The following BCAS4 variants were observed in gnomAD, a reference collection of about 807,000 sequenced individuals.
BCAS4 encodes the protein breast carcinoma-amplified sequence 4.
BCAS4 carries 9 observed loss-of-function variants against 15.7 expected under a neutral mutation model. The observed-to-expected ratio is 0.57, with a 90% CI of 0.34 to 1.00. The LOEUF is 1.00. Ranked by LOEUF, BCAS4 falls within the 50% of genes least tolerant of loss-of-function variation. BCAS4 has a pLI of 0.02. For synonymous variants in BCAS4, 101 were observed against 99.5 expected (o/e 1.02, Z -0.09); for missense variants, 225 against 239.1 (o/e 0.94, Z 0.39).
At chr20:50,831,419 G>GA (rs966170450) in intron 3 of BCAS4, among the ~76,000 whole-genome samples, 12 of 150,614 alleles carry the variant, frequency 8.0e-5, no homozygotes, top group South Asian at 6.3e-4. Flanking sequence ...TCTCAAAAAA[G>GA]AAAAAAAAAT....
chr20:50,811,079 C>T (rs138022063), intron 1 of BCAS4, among the ~76,000 whole-genome samples: 146 of 152,166 alleles, frequency 9.6e-4, no homozygotes, highest in African/African-American at 2.8e-3. Flanking sequence ...AAAGGCCCTG[C>T]GGTGAGGCTG....
chr20:50,837,969 T>TAC (rs199864782), intron 3 of BCAS4, among the ~76,000 whole-genome samples: 29 of 139,406 alleles, frequency 2.1e-4, no homozygotes, highest in Admixed American at 1.2e-3. Context: ...CACCCACCTC[T>TAC]ACACACACAC....
At chr20:50,821,378 G>T (rs1173651923) in intron 2 of BCAS4, among the ~76,000 whole-genome samples, 4 of 152,252 alleles carry the variant, frequency 2.6e-5, no homozygotes, top group Admixed American at 1.3e-4. Context: ...TACAGCCCCT[G>T]CATGGGCACG....
chr20:50,808,235 T>G (rs559229634), intron 1 of BCAS4, among the ~76,000 whole-genome samples: 1 of 152,342 alleles, frequency 6.6e-6, no homozygotes, highest in African/African-American at 2.4e-5. Context: ...TTTATCCACT[T>G]GTTGATTGAT....
At chr20:50,795,663 C>A (rs1365952307) in intron 1 of BCAS4, among the ~76,000 whole-genome samples, 1 of 152,258 alleles carries the variant, frequency 6.6e-6, no homozygotes, top group Non-Finnish European at 1.5e-5. Context: ...CCTCTACCTT[C>A]CGGCTGGAGG....
intron 2 of BCAS4, among the ~76,000 whole-genome samples, chr20:50,826,370 G>C (rs1280325226): frequency 6.6e-6 from 1 of 152,184 alleles, no homozygotes; most frequent in African/African-American, 2.4e-5. Flanking sequence ...GGAGGGAGCA[G>C]TCCCAGCCTT....
At chr20:50,822,003 A>G (rs2088221963) in intron 2 of BCAS4, among the ~76,000 whole-genome samples, 2 of 152,178 alleles carry the variant, frequency 1.3e-5, no homozygotes, top group African/African-American at 4.8e-5. Context: ...GTGTCAAACT[A>G]CCCGAAAATT....
intron 3 of BCAS4, among the ~76,000 whole-genome samples, chr20:50,834,923 G>A (rs2088388519): frequency 6.6e-6 from 1 of 152,196 alleles, no homozygotes; most frequent in East Asian, 1.9e-4. Flanking sequence ...TTTGGTATAT[G>A]GCTGGACCAT....
Position 50,871,599 on chromosome 20 carries a change from G to T in BCAS4, c.400-4887G>T, listed in dbSNP as rs142650383. On this transcript the variant is annotated intron_variant, in intron 4 of 4. Coordinates refer to ENST00000371608, the MANE Select transcript of BCAS4 (RefSeq NM_198799.4). ...ATTTTGAGGCTCATGAACAGGAAAAGCCCCAGGGTAACTCCAGCCTTCAGC... is the reference window on the plus strand; with the variant it reads ...ATTTTGAGGCTCATGAACAGGAAAATCCCCAGGGTAACTCCAGCCTTCAGC... Among the ~76,000 whole-genome samples, 457 of 152,362 alleles carry T rather than the reference G, an allele frequency of 3.0e-3. 1 individual carries two copies. The highest frequency in any genetic ancestry group is 0.014 in the Middle Eastern group (4 of 294).
chr20:50,876,830 C>T lies in BCAS4; in HGVS notation c.*222C>T, dbSNP rs929854493. The T allele has an allele frequency of 1.2e-5, 5 of 425,836 alleles. No individual in the cohort carries two copies. The highest frequency in any genetic ancestry group is 4.4e-5 in the Admixed American group (1 of 22,754). 26.4% of individuals were successfully genotyped at this position (425,836 alleles called of 1,614,324 possible). A position where few individuals can be genotyped will look rare whatever the true frequency, so the allele number is the denominator to read the frequency against. ...AAGTGGTGGGATTATGGGCAGGAGCCTCCGTGCCCAGGCTGCTGCCATTTT... is the reference window on the plus strand; with the variant it reads ...AAGTGGTGGGATTATGGGCAGGAGCTTCCGTGCCCAGGCTGCTGCCATTTT... On this transcript the variant is annotated 3_prime_UTR_variant, in exon 5 of 5. Coordinates refer to ENST00000371608, the MANE Select transcript of BCAS4 (RefSeq NM_198799.4).
rs562965548 is a variant in BCAS4, at chr20:50,875,589, A to T, written c.400-897A>T. On this transcript the variant is annotated intron_variant, in intron 4 of 4. Coordinates refer to ENST00000371608, the MANE Select transcript of BCAS4 (RefSeq NM_198799.4). The stretch of plus-strand genomic sequence containing the variant: ...AGACTAGCCTGACCAACATGGCAAA[A>T]CCTCATCTCTACTAAAAAAAAAAAA... 5.2e-4 allele frequency among the ~76,000 whole-genome samples: 72 copies of T among 139,250 alleles called. No individual in the cohort carries two copies. In the South Asian group the frequency reaches 0.016, roughly 31 times the overall value. The allele number at this position is 139,250 out of a possible 152,430, so 91.4% of individuals were successfully genotyped here.
intron 4 of BCAS4, among the ~76,000 whole-genome samples, chr20:50,872,791 G>A (rs559832954): frequency 3.9e-5 from 6 of 152,336 alleles, no homozygotes; most frequent in African/African-American, 1.4e-4. Context: ...ACTCACCCAC[G>A]TGTCTCCAGC....
intron 3 of BCAS4, among the ~76,000 whole-genome samples, chr20:50,837,702 C>T (rs1242017876): frequency 1.3e-5 from 2 of 152,194 alleles, no homozygotes; most frequent in African/African-American, 2.4e-5. Context: ...AGGTTTCAGC[C>T]TCTCTGGCTG....
intron 1 of BCAS4, among the ~76,000 whole-genome samples, chr20:50,802,049 C>T (rs565820246): frequency 1.3e-5 from 2 of 152,100 alleles, no homozygotes; most frequent in East Asian, 1.9e-4. Flanking sequence ...GATTTATCGA[C>T]TTGTACTAGG....
chr20:50,860,572 T>A (rs988612910), intron 4 of BCAS4, among the ~76,000 whole-genome samples: 5 of 152,158 alleles, frequency 3.3e-5, no homozygotes, highest in Non-Finnish European at 7.4e-5. Context: ...TTGTCCAAGT[T>A]GCTACATGAA....
At chr20:50,796,783 A>G (rs1055107148) in intron 1 of BCAS4, among the ~76,000 whole-genome samples, 13 of 150,174 alleles carry the variant, frequency 8.7e-5, no homozygotes, top group African/African-American at 3.2e-4. Flanking sequence ...CGTAAGCCAC[A>G]GCGCCCAGCC....
intron 4 of BCAS4, among the ~76,000 whole-genome samples, chr20:50,857,691 G>A (rs567732960): frequency 2.6e-5 from 4 of 152,084 alleles, no homozygotes. Context: ...GTGCAAATTC[G>A]AGGTCCTCTG....
At chr20:50,825,793 C>T (rs925971665) in intron 2 of BCAS4, among the ~76,000 whole-genome samples, 1 of 152,278 alleles carries the variant, frequency 6.6e-6, no homozygotes, top group Middle Eastern at 3.4e-3. Context: ...AAGAGAATCA[C>T]TTGAACCTAG....
At chr20:50,852,625 G>A (rs113228649) in intron 4 of BCAS4, among the ~76,000 whole-genome samples, 10 of 152,134 alleles carry the variant, frequency 6.6e-5, no homozygotes, top group Admixed American at 2.0e-4. Flanking sequence ...CAAGTGATCC[G>A]CCCATCTTGG....
Sources: gnomAD v4.1 joint callset for allele counts (sites outside exome capture counted in the v4.1 genomes callset) on GRCh38, gnomAD v4.1.1 for gene constraint, MANE v1.5 for transcripts, NCBI Gene and HGNC (gene_info 2026-07-23, HGNC 2026-07-21) for gene names.